RNF180: variants seen among roughly 807,000 people sequenced by gnomAD.
RNF180 encodes the protein E3 ubiquitin-protein ligase RNF180.
In RNF180, 38 loss-of-function variants were observed where a neutral mutation model predicts 59.2. That is an observed-to-expected ratio of 0.64 (90% CI 0.50 to 0.84). The LOEUF (loss-of-function observed/expected upper bound fraction) is 0.84. RNF180 is among the 40% of genes least tolerant of loss of function. The probability of loss-of-function intolerance (pLI) is 0.00; values close to 1 mark genes in which losing one functional copy is unlikely to be tolerated. For missense variants in RNF180, 705 were observed against 700.9 expected, an observed-to-expected ratio of 1.01 and a Z score of -0.07; for synonymous variants, 262 against 240.3, an observed-to-expected ratio of 1.09 and a Z score of -0.84.
At chr5:64,207,375 C>T (rs553009676) in intron 2 of RNF180, among the ~76,000 whole-genome samples, 2 of 152,148 alleles carry the variant, frequency 1.3e-5, no homozygotes, top group South Asian at 2.1e-4. Context: ...GGTGGGAGAA[C>T]ATTCCAAGAT....
intron 5 of RNF180, among the ~76,000 whole-genome samples, chr5:64,265,304 G>A (rs1228001163): frequency 6.6e-6 from 1 of 152,092 alleles, no homozygotes; most frequent in Non-Finnish European, 1.5e-5. Context: ...CTTTGCCCAT[G>A]CCTATGTCCT....
intron 5 of RNF180, among the ~76,000 whole-genome samples, chr5:64,289,321 A>C (rs551759962): frequency 6.6e-6 from 1 of 152,206 alleles, no homozygotes; most frequent in South Asian, 2.1e-4. Context: ...TTTTGCATTA[A>C]TGTTCATCAG....
At chr5:64,184,139 G>T (rs1449200423) in intron 1 of RNF180, among the ~76,000 whole-genome samples, 1 of 152,152 alleles carries the variant, frequency 6.6e-6, no homozygotes, top group Non-Finnish European at 1.5e-5. Context: ...GCCATCTGCA[G>T]CCCAAGGAGA....
intron 5 of RNF180, among the ~76,000 whole-genome samples, chr5:64,223,203 C>G (rs766066611): frequency 7.0e-4 from 106 of 152,266 alleles, no homozygotes; most frequent in Non-Finnish European, 1.3e-4. Context: ...CTTGTGGCCC[C>G]CTTCCAGCCA....
At chr5:64,301,591 T>C (rs915297617) in intron 5 of RNF180, among the ~76,000 whole-genome samples, 2 of 151,796 alleles carry the variant, frequency 1.3e-5, no homozygotes, top group African/African-American at 4.8e-5. Flanking sequence ...TGTTCAGACA[T>C]TTATTATTCA....
intron 7 of RNF180, among the ~76,000 whole-genome samples, chr5:64,355,611 C>G (rs1196503163): frequency 6.6e-6 from 1 of 151,726 alleles, no homozygotes; most frequent in Non-Finnish European, 1.5e-5. Context: ...CAAAAAAAAT[C>G]CTGAAAAGAA....
intron 7 of RNF180, among the ~76,000 whole-genome samples, chr5:64,358,419 G>T (rs914018489): frequency 2.0e-5 from 3 of 151,790 alleles, no homozygotes; most frequent in African/African-American, 7.2e-5. Flanking sequence ...AGAGCTTTAA[G>T]GGAACAGTTA....
At chr5:64,336,158 A>G (rs1271456401) in intron 7 of RNF180, among the ~76,000 whole-genome samples, 1 of 152,088 alleles carries the variant, frequency 6.6e-6, no homozygotes, top group African/African-American at 2.4e-5. Flanking sequence ...CTCTCATCCC[A>G]TAGCCAACCA....
intron 2 of RNF180, among the ~76,000 whole-genome samples, chr5:64,202,408 G>A (rs1487701032): frequency 6.6e-6 from 1 of 152,036 alleles, no homozygotes; most frequent in Admixed American, 6.6e-5. Flanking sequence ...AAGGACATTG[G>A]CATTCGTTCC....
chr5:64,329,886 C>T (rs1744822652), intron 6 of RNF180, among the ~76,000 whole-genome samples: 1 of 152,220 alleles, frequency 6.6e-6, no homozygotes, highest in South Asian at 2.1e-4. Flanking sequence ...GCCTGTGGCT[C>T]ACCTCCTGCT....
Position 64,256,810 on chromosome 5 carries a change from G to A in RNF180, c.1227+39414G>A, listed in dbSNP as rs562850280. Among the ~76,000 whole-genome samples, 249 of 152,124 alleles carry A rather than the reference G, an allele frequency of 1.6e-3. 1 individual carries two copies. The highest frequency in any genetic ancestry group is 2.0e-3 in the Non-Finnish European group (133 of 67,992). Reference sequence around the variant, plus strand: ...CCTTGGGCAGTATGGCCACTTTCACGATATTGATTCTTCCTATCCACAAGC... The same window carrying A: ...CCTTGGGCAGTATGGCCACTTTCACAATATTGATTCTTCCTATCCACAAGC... On this transcript the variant is annotated intron_variant, in intron 5 of 7. Coordinates refer to ENST00000389100, the MANE Select transcript of RNF180 (RefSeq NM_001113561.2).
intron 5 of RNF180, among the ~76,000 whole-genome samples, chr5:64,317,929 T>C (rs1317425434): frequency 2.6e-5 from 4 of 152,196 alleles, no homozygotes; most frequent in Non-Finnish European, 5.9e-5. Flanking sequence ...TTGGGCAAAA[T>C]CTTCTAACAC....
chr5:64,200,608 A>G (rs1751692983), intron 1 of RNF180, among the ~76,000 whole-genome samples, 200 bp from the exon 2 acceptor site: 1 of 152,356 alleles, frequency 6.6e-6, no homozygotes, highest in Middle Eastern at 3.4e-3. Flanking sequence ...ATAATGTATC[A>G]TCATAATTAA....
chr5:64,319,114 A>G (rs893604406), intron 5 of RNF180, among the ~76,000 whole-genome samples: 1 of 152,014 alleles, frequency 6.6e-6, no homozygotes, highest in Non-Finnish European at 1.5e-5. Flanking sequence ...GTGTAGAGAA[A>G]GTATATGGAA....
intron 5 of RNF180, among the ~76,000 whole-genome samples, chr5:64,315,732 C>T (rs1744007358): frequency 8.5e-6 from 1 of 117,894 alleles, no homozygotes; most frequent in Admixed American, 9.3e-5. Context: ...GCGTAACTGT[C>T]TCAAAAAAAA....
At chr5:64,206,750 A>G (rs1163117962) in intron 2 of RNF180, among the ~76,000 whole-genome samples, 1 of 152,116 alleles carries the variant, frequency 6.6e-6, no homozygotes, top group Non-Finnish European at 1.5e-5. Flanking sequence ...CCTTAATCCA[A>G]TAGGACTGTG....
At chr5:64,338,402 A>T (rs553681689) in intron 7 of RNF180, among the ~76,000 whole-genome samples, 2 of 152,280 alleles carry the variant, frequency 1.3e-5, no homozygotes, top group South Asian at 4.1e-4. Flanking sequence ...TGGGAGGCCG[A>T]GGCAGGCGGA....
At chr5:64,295,055 TGTAA>T (rs1165683066) in intron 5 of RNF180, among the ~76,000 whole-genome samples, 4 of 152,230 alleles carry the variant, frequency 2.6e-5, no homozygotes, top group African/African-American at 7.2e-5. Flanking sequence ...GGTTTTTAAA[TGTAA>T]GTGTTATGTT....
intron 6 of RNF180, among the ~76,000 whole-genome samples, chr5:64,328,856 C>G (rs1744768187): frequency 6.6e-6 from 1 of 152,172 alleles, no homozygotes; most frequent in African/African-American, 2.4e-5. Flanking sequence ...TACAGGTGAT[C>G]ATTGCGGGAT....
Sources: gnomAD v4.1 joint callset for allele counts (sites outside exome capture counted in the v4.1 genomes callset) on GRCh38, gnomAD v4.1.1 for gene constraint, MANE v1.5 for transcripts, NCBI Gene and HGNC (gene_info 2026-07-23, HGNC 2026-07-21) for gene names.